Variants in NCOA6 observed in about 807,000 individuals in gnomAD.
NCOA6 encodes NRC RAP250.
NCOA6 carries 49 observed loss-of-function variants against 171.4 expected under a neutral mutation model. The ratio of observed to expected loss-of-function variants is 0.29; its 90% confidence interval spans 0.23 to 0.36. NCOA6 has a LOEUF of 0.36. NCOA6 is among the 10% of genes least tolerant of loss of function. The probability of loss-of-function intolerance (pLI) is 1.00; values close to 1 mark genes in which losing one functional copy is unlikely to be tolerated. For synonymous variants in NCOA6, 910 were observed against 927.5 expected, an observed-to-expected ratio of 0.98 and a Z score of 0.34; for missense variants, 2,248 against 2,554.5, an observed-to-expected ratio of 0.88 and a Z score of 2.59.
At chr20:34,809,454 T>C (rs1290483877) in intron 1 of NCOA6, 1 of 398,414 alleles carries the variant, frequency 2.5e-6, no homozygotes, top group Non-Finnish European at 4.4e-6. Flanking sequence ...TCAACAGACC[T>C]GCTTAAGAAC....
At chr20:34,732,643 G>C in intron 12 of NCOA6, 48 bp from the exon 13 acceptor site, 1 of 1,536,728 alleles carries the variant, frequency 6.5e-7, no homozygotes, top group Non-Finnish European at 9.0e-7. Context: ...AGCTGCCACA[G>C]AGAGAAGCTA....
chr20:34,765,014 C>T (rs958927841), intron 5 of NCOA6, among the ~76,000 whole-genome samples: 2 of 151,596 alleles, frequency 1.3e-5, no homozygotes, highest in East Asian at 1.9e-4. Context: ...CCTAGTCACT[C>T]GTGAGGCTGA....
rs374238075 is a variant in NCOA6, at chr20:34,780,558, C to G, written c.235+1563G>C. Among the ~76,000 whole-genome samples, 5 of 152,204 alleles carry G rather than the reference C, an allele frequency of 3.3e-5. No homozygotes were observed. The East Asian group carries it at 7.7e-4, about 23-fold the overall frequency. On this transcript the variant is annotated intron_variant, in intron 3 of 14. Transcript: ENST00000359003. ...GTAGACAAGGTTTCACCATGTTGGC[C>G]GGGCTTGTCTCAAACTCCTGGCCTC...
chr20:34,782,036 T>C, intron 3 of NCOA6, 85 bp downstream of exon 3: 1 of 973,996 alleles, frequency 1.0e-6, no homozygotes. Flanking sequence ...TTTAACAAGC[T>C]TGTTTTGTAA....
At chr20:34,822,813 C>G (rs1349724791) in intron 1 of NCOA6, among the ~76,000 whole-genome samples, 2 of 152,110 alleles carry the variant, frequency 1.3e-5, no homozygotes, top group East Asian at 3.8e-4. Context: ...GGCTTGTGAA[C>G]TTGGACAGGG....
At position 34,742,896 on chromosome 20, in the gene NCOA6, A is replaced by G. The variant is rs773905420; in HGVS notation, c.3360T>C (p.Asn1120=). 1.5e-5 allele frequency: 24 copies of G among 1,614,050 alleles called. No homozygotes were observed. Among genetic ancestry groups the G allele is most frequent in the Non-Finnish European group, 1.9e-5 (23 of 1,180,020 alleles). The part of the protein sequence containing the change: ...RKMVYQESPQ[N]PSSSPLAEMA... ...TCTCCGCCAGTGGCGAGCTGGAAGG[A>G]TTCTGCGGGCTCTCCTGATAGACCA... is the stretch of plus-strand genomic sequence containing the variant. The change falls in exon 11 of 15, where the codon AAT becomes AAC. Residue 1120 remains asparagine (N), a synonymous_variant. Coordinates refer to ENST00000359003, the MANE Select transcript of NCOA6 (RefSeq NM_014071.5).
At chr20:34,715,492 G>C in intron 14 of NCOA6, 127 bp from the exon 15 acceptor site, 1 of 684,198 alleles carries the variant, frequency 1.5e-6, no homozygotes, top group Admixed American at 2.3e-5. Context: ...TCTAAGGGGT[G>C]CTCTGAATGG....
At chr20:34,733,040 ACT>A (rs1568725569) in intron 12 of NCOA6, 1 of 156,158 alleles carries the variant, frequency 6.4e-6, no homozygotes, top group Non-Finnish European at 1.4e-5. Context: ...GGACTTCCTC[ACT>A]GAGTTTTAGA....
chr20:34,777,116 C>CAAAA (rs1157021055), intron 3 of NCOA6, among the ~76,000 whole-genome samples: 2 of 43,822 alleles, frequency 4.6e-5, no homozygotes, highest in African/African-American at 1.7e-4. Flanking sequence ...GACTCCGTCT[C>CAAAA]AAAAAAAAAA....
At chr20:34,824,661 T>C (rs565159390) in intron 1 of NCOA6, among the ~76,000 whole-genome samples, 39 of 152,306 alleles carry the variant, frequency 2.6e-4, no homozygotes, top group African/African-American at 9.1e-4. Context: ...CCTCTTTTGC[T>C]GGCCAGCTCC....
intron 7 of NCOA6, 87 bp downstream of exon 7, chr20:34,757,133 C>A: frequency 3.0e-6 from 4 of 1,348,920 alleles, no homozygotes; most frequent in Non-Finnish European, 4.0e-6. Context: ...CCTTACTCCA[C>A]TCCCTCCATT....
chr20:34,787,122 GAA>G (rs71340421), intron 2 of NCOA6, among the ~76,000 whole-genome samples: 16 of 144,650 alleles, frequency 1.1e-4, no homozygotes, highest in Non-Finnish European at 9.1e-5. Context: ...ACAAATTTAT[GAA>G]AAAAAAAAAA....
rs1382263021 is a variant in NCOA6 at position 34,757,486 on chromosome 20, G to C, written c.1262C>G (p.Pro421Arg). Reference sequence around the variant, plus strand: ...GGCAGGAGACTTGTTGGTGAGGTGGGGCTGCTGCAAGGGAGTTGGGACCCT... The same window carrying C: ...GGCAGGAGACTTGTTGGTGAGGTGGCGCTGCTGCAAGGGAGTTGGGACCCT... ...PSRVPTPLQQ[P>R]HLTNKSPASS... The change falls in exon 7 of 15, where the codon CCC becomes CGC. Residue 421 changes from proline to arginine, a missense_variant. Physicochemically the swap from Pro to Arg is moderately radical, Grantham distance 103. Transcript: ENST00000359003. The C allele has an allele frequency of 6.2e-7, 1 of 1,613,882 alleles. No individual in the cohort carries two copies. The highest frequency in any genetic ancestry group is 1.7e-5 in the Admixed American group (1 of 59,992).
At chr20:34,735,384 G>A (rs6120706) in intron 12 of NCOA6, among the ~76,000 whole-genome samples, 3,213 of 152,244 alleles carry the variant, frequency 0.021, 137 homozygotes, top group African/African-American at 0.074. Flanking sequence ...AGTGGCTCAT[G>A]CCTGTAATCC....
chr20:34,769,712 T>C (rs1243552662), intron 4 of NCOA6, among the ~76,000 whole-genome samples: 1 of 152,144 alleles, frequency 6.6e-6, no homozygotes. Context: ...AGTACCCTCA[T>C]AGGTAATGTT....
chr20:34,796,262 G>A (rs949417043), intron 1 of NCOA6, among the ~76,000 whole-genome samples: 48 of 151,382 alleles, frequency 3.2e-4, no homozygotes, highest in African/African-American at 1.1e-3. Context: ...CTCCTGCCTC[G>A]GCCTCCCAAA....
chr20:34,771,860 T>G (rs2077161398), intron 4 of NCOA6, among the ~76,000 whole-genome samples: 1 of 152,232 alleles, frequency 6.6e-6, no homozygotes, highest in African/African-American at 2.4e-5. Flanking sequence ...TAGGTAACTT[T>G]TATCAGAACA....
At position 34,749,699 on chromosome 20, in the gene NCOA6, A is replaced by G; in HGVS notation, c.2496T>C (p.His832=). ...SIQQTNMVPP[H]VQAMQGNSAS... is the part of the protein sequence containing the mutation. ...CACTGTTTCCCTGCATGGCCTGCACATGAGGGGGGACCATGTTGGTTTGTT... is the reference window on the plus strand; with the variant it reads ...CACTGTTTCCCTGCATGGCCTGCACGTGAGGGGGGACCATGTTGGTTTGTT... Residue 832 remains histidine, a synonymous_variant, in exon 9 of 15, where the codon CAT becomes CAC. Coordinates refer to ENST00000359003, the MANE Select transcript of NCOA6 (RefSeq NM_014071.5). The G allele has an allele frequency of 1.2e-6, 2 of 1,614,196 alleles. No homozygotes were observed. Among genetic ancestry groups the G allele is most frequent in the Non-Finnish European group, 8.5e-7 (1 of 1,180,028 alleles).
intron 13 of NCOA6, among the ~76,000 whole-genome samples, chr20:34,732,033 T>C (rs1023342934): frequency 3.3e-5 from 5 of 152,126 alleles, no homozygotes; most frequent in Admixed American, 1.3e-4. Flanking sequence ...AAAAAAGGCA[T>C]GACTTTTGGA....
Sources: gnomAD v4.1 joint callset for allele counts (sites outside exome capture counted in the v4.1 genomes callset) on GRCh38, gnomAD v4.1.1 for gene constraint, MANE v1.5 for transcripts, NCBI Gene and HGNC (gene_info 2026-07-23, HGNC 2026-07-21) for gene names.